Variants in DAB1 observed in about 807,000 individuals in gnomAD.
The protein encoded by DAB1 is DAB adaptor protein 1, also known as disabled homolog 1.
Under a neutral mutation model 64.6 loss-of-function variants are expected in DAB1, and 15 were observed. That is an observed-to-expected ratio of 0.23 (90% confidence interval 0.16 to 0.36). The LOEUF is 0.36. DAB1 is among the 10% of genes least tolerant of loss of function. DAB1 has a pLI of 1.00. For synonymous variants in DAB1, 235 were observed against 251.9 expected (o/e 0.93, Z 0.64); for missense variants, 596 against 706.7 (o/e 0.84, Z 1.78).
chr1:57,175,902 G>A (rs72672678), intron 2 of DAB1, among the ~76,000 whole-genome samples: 11,514 of 152,160 alleles, frequency 0.076, 511 homozygotes, highest in Middle Eastern at 0.099. Flanking sequence ...GGATTTTCCC[G>A]TTTGATTTTT....
intron 4 of DAB1, among the ~76,000 whole-genome samples, chr1:58,177,209 G>A (rs1389764457): frequency 6.6e-6 from 1 of 152,132 alleles, no homozygotes; most frequent in African/African-American, 2.4e-5. Flanking sequence ...CTTGGGAACC[G>A]AGGTCAGCAC....
At chr1:57,098,984 G>A (rs1177234974) in intron 4 of DAB1, among the ~76,000 whole-genome samples, 2 of 152,220 alleles carry the variant, frequency 1.3e-5, no homozygotes, top group Non-Finnish European at 2.9e-5. Flanking sequence ...CGCATGGACT[G>A]GGACAATTCG....
chr1:58,255,683 G>T (rs1042138465), intron 4 of DAB1, among the ~76,000 whole-genome samples: 12 of 152,280 alleles, frequency 7.9e-5, no homozygotes, highest in Middle Eastern at 3.4e-3. Context: ...GAATCTTGTG[G>T]CCAAACTTCA....
intron 1 of DAB1, among the ~76,000 whole-genome samples, chr1:57,301,106 G>A (rs1673612133): frequency 6.6e-6 from 1 of 151,712 alleles, no homozygotes; most frequent in African/African-American, 2.4e-5. Flanking sequence ...AAAAAAAAAA[G>A]GTAAAAAGCA....
chr1:58,188,495 A>C (rs1657212238), intron 4 of DAB1, among the ~76,000 whole-genome samples: 1 of 152,224 alleles, frequency 6.6e-6, no homozygotes. Context: ...CTAAAATAGC[A>C]TGTTCCTACT....
chr1:57,582,794 C>T (rs1645329587), intron 7 of DAB1, among the ~76,000 whole-genome samples: 1 of 152,216 alleles, frequency 6.6e-6, no homozygotes, highest in Non-Finnish European at 1.5e-5. Context: ...TAACAACATG[C>T]TCAGGGAAGG....
chr1:57,553,432 AAGAAAGAAAG>A (rs1558487140), intron 7 of DAB1, among the ~76,000 whole-genome samples: 527 of 17,342 alleles, frequency 0.03, 26 homozygotes, highest in African/African-American at 0.038. Flanking sequence ...GAAAGAAAGA[AAGAAAGAAAG>A]AGAAAGAAAG....
intron 3 of DAB1, among the ~76,000 whole-genome samples, chr1:58,438,202 G>A (rs546310907): frequency 6.6e-6 from 1 of 152,214 alleles, no homozygotes; most frequent in South Asian, 2.1e-4. Flanking sequence ...TGAGTTTTCT[G>A]TCATTTGCAT....
intron 1 of DAB1, among the ~76,000 whole-genome samples, chr1:57,833,700 T>C (rs1228246835): frequency 6.6e-6 from 1 of 152,182 alleles, no homozygotes; most frequent in Non-Finnish European, 1.5e-5. Flanking sequence ...TATTTTCTCA[T>C]GAGGAGAGCT....
intron 8 of DAB1, among the ~76,000 whole-genome samples, chr1:57,065,127 G>A (rs893747899): frequency 1.3e-5 from 2 of 152,236 alleles, no homozygotes; most frequent in African/African-American, 2.4e-5. Context: ...AATTGAAAAC[G>A]CTTTTCTACT....
At chr1:57,262,780 C>T (rs1670280946) in intron 2 of DAB1, among the ~76,000 whole-genome samples, 1 of 152,182 alleles carries the variant, frequency 6.6e-6, no homozygotes, top group Non-Finnish European at 1.5e-5. Context: ...GCACAGCATC[C>T]TGCTCCCAGC....
At chr1:58,051,055 T>A (rs181595831) in intron 5 of DAB1, among the ~76,000 whole-genome samples, 1,549 of 152,144 alleles carry the variant, frequency 0.01, 23 homozygotes, top group African/African-American at 0.031. Flanking sequence ...GAAATTTTTT[T>A]TATATATATA....
At chr1:57,980,090 C>A (rs958516634) in intron 5 of DAB1, among the ~76,000 whole-genome samples, 1 of 152,106 alleles carries the variant, frequency 6.6e-6, no homozygotes, top group Non-Finnish European at 1.5e-5. Flanking sequence ...CTCAGAGCAA[C>A]CATTAATTGA....
intron 1 of DAB1, among the ~76,000 whole-genome samples, chr1:57,865,910 C>T (rs1654278428): frequency 6.6e-6 from 1 of 152,178 alleles, no homozygotes; most frequent in Non-Finnish European, 1.5e-5. Flanking sequence ...TCTGGGAAAT[C>T]CAAAATTAAG....
chr1:57,780,327 A>G (rs1650004207), intron 6 of DAB1, among the ~76,000 whole-genome samples: 1 of 152,186 alleles, frequency 6.6e-6, no homozygotes, highest in Non-Finnish European at 1.5e-5. Flanking sequence ...GTGAAAAAAC[A>G]AGAAAAGTAA....
intron 4 of DAB1, among the ~76,000 whole-genome samples, chr1:57,100,131 G>T (rs974972186): frequency 2.6e-5 from 4 of 152,172 alleles, no homozygotes; most frequent in Non-Finnish European, 5.9e-5. Context: ...ACGGGATCTT[G>T]GGCAGGTTGC....
intron 2 of DAB1, among the ~76,000 whole-genome samples, chr1:57,246,517 G>A (rs532329506): frequency 2.9e-4 from 44 of 152,226 alleles, no homozygotes; most frequent in Non-Finnish European, 5.3e-4. Flanking sequence ...CTACAGGGAC[G>A]GAGATCTCAT....
chr1:58,293,335 G>A (rs1300394399), intron 4 of DAB1, among the ~76,000 whole-genome samples: 1 of 152,134 alleles, frequency 6.6e-6, no homozygotes, highest in East Asian at 1.9e-4. Flanking sequence ...CTTCTCAGTA[G>A]TCCCCTGTAT....
chr1:58,056,986 TAAAC>T (rs1003602040), intron 5 of DAB1, among the ~76,000 whole-genome samples: 8 of 151,762 alleles, frequency 5.3e-5, no homozygotes, highest in African/African-American at 1.9e-4. Context: ...TCTGCTCACT[TAAAC>T]AATCCCTTTA....
Sources: gnomAD v4.1 joint callset for allele counts (sites outside exome capture counted in the v4.1 genomes callset) on GRCh38, gnomAD v4.1.1 for gene constraint, MANE v1.5 for transcripts, NCBI Gene and HGNC (gene_info 2026-07-23, HGNC 2026-07-21) for gene names.